Variants in DCLK1 observed in about 807,000 individuals in gnomAD.
DCLK1 encodes the protein serine/threonine-protein kinase DCLK1.
A neutral mutation model predicts 86.2 loss-of-function variants in DCLK1; 16 were observed. The ratio of observed to expected loss-of-function variants is 0.19; its 90% CI spans 0.13 to 0.28. The LOEUF (loss-of-function observed/expected upper bound fraction) is 0.28, where lower values mean the gene tolerates loss of function less well. Among genes scored for constraint, DCLK1 ranks in the 10% least tolerant of loss-of-function variants. The pLI, the probability that DCLK1 is intolerant of heterozygous loss-of-function variation, is 1.00. For missense variants in DCLK1, 590 were observed against 940.2 expected (o/e 0.63, Z 4.87); for synonymous variants, 369 against 370.5 (o/e 1.00, Z 0.05).
At position 35,877,317 on chromosome 13, in the gene DCLK1, T is replaced by TC. The variant is rs922294492; in HGVS notation, c.824-5978dup. The stretch of plus-strand genomic sequence containing the variant: ...GGAGAACCTCCACTTAGAAAGATCC[T>TC]CCCCCCACTCAGAAACAGTTGGTAG... On this transcript the variant is annotated intron_variant, in intron 4 of 16. Coordinates refer to ENST00000360631, the MANE Select transcript of DCLK1 (RefSeq NM_001330071.2). 1.2e-4 allele frequency among the ~76,000 whole-genome samples: 18 copies of TC among 152,160 alleles called. No individual in the cohort carries two copies. The East Asian group carries it at 3.5e-3, about 29-fold the overall frequency.
chr13:35,792,040 T>C (rs1482371830), intron 16 of DCLK1, among the ~76,000 whole-genome samples: 2 of 152,240 alleles, frequency 1.3e-5, no homozygotes, highest in Non-Finnish European at 2.9e-5. Flanking sequence ...CTATGGAAGA[T>C]GTAAAGGTTA....
At chr13:35,870,183 C>T (rs932352122) in intron 5 of DCLK1, among the ~76,000 whole-genome samples, 17 of 152,152 alleles carry the variant, frequency 1.1e-4, no homozygotes, top group African/African-American at 4.1e-4. Context: ...GGGAAGGAGG[C>T]ATTGGCAGCC....
intron 3 of DCLK1, among the ~76,000 whole-genome samples, chr13:36,075,832 C>T (rs549682856): frequency 1.3e-5 from 2 of 152,138 alleles, no homozygotes; most frequent in Non-Finnish European, 2.9e-5. Context: ...TCCTGGCCAA[C>T]ATGGTGAAAC....
At chr13:36,007,938 A>T (rs1881058835) in intron 3 of DCLK1, among the ~76,000 whole-genome samples, 2 of 152,212 alleles carry the variant, frequency 1.3e-5, no homozygotes, top group Non-Finnish European at 2.9e-5. Flanking sequence ...TGTCGTATAC[A>T]AACCGTGAAT....
intron 4 of DCLK1, among the ~76,000 whole-genome samples, chr13:35,888,426 C>T (rs1320760134): frequency 6.6e-6 from 1 of 152,156 alleles, no homozygotes; most frequent in African/African-American, 2.4e-5. Context: ...AGAAAGCAGA[C>T]TTTGGGTTGA....
chr13:36,037,034 C>A (rs2153154396), intron 3 of DCLK1, among the ~76,000 whole-genome samples: 1 of 152,238 alleles, frequency 6.6e-6, no homozygotes, highest in East Asian at 1.9e-4. Context: ...ATATCACACA[C>A]ACACACAGTG....
chr13:35,909,415 G>A (rs1227490817), intron 4 of DCLK1, among the ~76,000 whole-genome samples: 1 of 152,056 alleles, frequency 6.6e-6, no homozygotes, highest in Non-Finnish European at 1.5e-5. Context: ...TGGCAATCCT[G>A]GCTCTCCACT....
chr13:35,798,294 T>G (rs2086852733), intron 15 of DCLK1, among the ~76,000 whole-genome samples: 1 of 152,160 alleles, frequency 6.6e-6, no homozygotes, highest in Admixed American at 6.5e-5. Flanking sequence ...GGGAAACCAT[T>G]TCAGGCGTCA....
intron 4 of DCLK1, among the ~76,000 whole-genome samples, chr13:35,924,598 C>T (rs755134603): frequency 1.1e-4 from 16 of 152,036 alleles, no homozygotes; most frequent in Non-Finnish European, 1.5e-4. Flanking sequence ...TGTAGTGAGC[C>T]GAGATCGTGC....
chr13:36,073,349 C>T (rs1276776111), intron 3 of DCLK1, among the ~76,000 whole-genome samples: 1 of 152,050 alleles, frequency 6.6e-6, no homozygotes, highest in Non-Finnish European at 1.5e-5. Flanking sequence ...GGGATAGATA[C>T]CTAAGTAAAC....
chr13:36,026,648 G>C (rs1463994947), intron 3 of DCLK1, among the ~76,000 whole-genome samples: 1 of 152,192 alleles, frequency 6.6e-6, no homozygotes, highest in Non-Finnish European at 1.5e-5. Flanking sequence ...TAGGGCTGTG[G>C]AGGACATTTG....
At chr13:35,839,020 C>T in intron 7 of DCLK1, 72 bp downstream of exon 7, 1 of 1,397,892 alleles carries the variant, frequency 7.2e-7, no homozygotes, top group Non-Finnish European at 9.9e-7. Flanking sequence ...GCTTGAGAAG[C>T]CACAGTTTCT....
chr13:35,822,570 C>A (rs2087421108), intron 11 of DCLK1, among the ~76,000 whole-genome samples, 159 bp downstream of exon 11: 1 of 152,068 alleles, frequency 6.6e-6, no homozygotes, highest in Non-Finnish European at 1.5e-5. Context: ...TCATCTAGAT[C>A]AACCTAAAAG....
rs1343185 is a variant in DCLK1 at position 35,903,047 on chromosome 13, A to C, written c.824-31707T>G. Among the ~76,000 whole-genome samples, 560 of 152,268 alleles carry C rather than the reference A, an allele frequency of 3.7e-3. 12 individuals are homozygous for C. Among genetic ancestry groups the C allele is most frequent in the Admixed American group, 0.031 (473 of 15,298 alleles). The stretch of plus-strand genomic sequence containing the variant: ...GGGAAGAATGGGGCAGGGAAAGAAA[A>C]TGGCTCTTCAGCAGCCTTCTCAGTG... On this transcript the variant is annotated intron_variant, in intron 4 of 16. Coordinates refer to ENST00000360631, the MANE Select transcript of DCLK1 (RefSeq NM_001330071.2).
intron 3 of DCLK1, among the ~76,000 whole-genome samples, chr13:36,107,343 T>G (rs1228258937): frequency 1.6e-5 from 2 of 124,102 alleles, no homozygotes; most frequent in South Asian, 5.1e-4. Flanking sequence ...AGATTTTTTT[T>G]TTTTTTTTTT....
At chr13:35,840,044 G>C (rs1869679635) in intron 6 of DCLK1, among the ~76,000 whole-genome samples, 1 of 152,170 alleles carries the variant, frequency 6.6e-6, no homozygotes, top group African/African-American at 2.4e-5. Flanking sequence ...TTATCCACTT[G>C]GTTGGCCTGA....
At chr13:35,995,363 C>T (rs1230750944) in intron 3 of DCLK1, among the ~76,000 whole-genome samples, 2 of 152,052 alleles carry the variant, frequency 1.3e-5, no homozygotes, top group Admixed American at 1.3e-4. Flanking sequence ...TTTCAATATA[C>T]TAGTTAGTAT....
intron 4 of DCLK1, among the ~76,000 whole-genome samples, chr13:35,920,759 C>T (rs1302832669): frequency 6.6e-6 from 1 of 152,076 alleles, no homozygotes; most frequent in Admixed American, 6.6e-5. Context: ...GGGACACCTG[C>T]TCTGGGGTCA....
chr13:36,066,501 T>C (rs1883756399), intron 3 of DCLK1, among the ~76,000 whole-genome samples: 1 of 152,188 alleles, frequency 6.6e-6, no homozygotes, highest in Non-Finnish European at 1.5e-5. Flanking sequence ...TTAGAGGTGC[T>C]GTAATGAACT....
Sources: gnomAD v4.1 joint callset for allele counts (sites outside exome capture counted in the v4.1 genomes callset) on GRCh38, gnomAD v4.1.1 for gene constraint, MANE v1.5 for transcripts, NCBI Gene and HGNC (gene_info 2026-07-23, HGNC 2026-07-21) for gene names.